The following MBNL1 variants were observed in gnomAD, a reference collection of about 807,000 sequenced individuals.
The protein encoded by MBNL1 is muscleblind-like protein 1.
MBNL1 carries 8 observed loss-of-function variants against 42.2 expected under a neutral mutation model. The observed-to-expected ratio is 0.19, with a 90% CI of 0.11 to 0.34. The LOEUF (loss-of-function observed/expected upper bound fraction) is 0.34, where lower values mean the gene tolerates loss of function less well. Among genes scored for constraint, MBNL1 ranks in the 10% least tolerant of loss-of-function variants. MBNL1 has a pLI of 1.00. For missense variants in MBNL1, 309 were observed against 495.3 expected (o/e 0.62, Z 3.57); for synonymous variants, 169 against 173.9 (o/e 0.97, Z 0.22).
chr3:152,451,849 C>T (rs1019016714), intron 6 of MBNL1, among the ~76,000 whole-genome samples: 2 of 152,112 alleles, frequency 1.3e-5, no homozygotes, highest in Non-Finnish European at 2.9e-5. Flanking sequence ...AGAAGGTTGG[C>T]ATTAATATTT....
At chr3:152,368,046 A>T (rs959742327) in intron 2 of MBNL1, among the ~76,000 whole-genome samples, 1 of 150,844 alleles carries the variant, frequency 6.6e-6, no homozygotes, top group African/African-American at 2.4e-5. Context: ...CACAATTGTC[A>T]ATTTTGGCTT....
rs747338993 is a variant in MBNL1, at chr3:152,269,093, G to C, written c.-790+1G>C. 3 of 454,644 alleles carry C rather than the reference G, an allele frequency of 6.6e-6. No individual in the cohort carries two copies. In the East Asian group the frequency reaches 2.1e-4, roughly 32 times the overall value. The allele number at this position is 454,644 out of a possible 1,614,324, so 28.2% of individuals were successfully genotyped here. A position where few individuals can be genotyped will look rare whatever the true frequency, so the allele number is the denominator to read the frequency against. On this transcript the variant is annotated splice_donor_variant, in intron 1 of 9. Coordinates refer to ENST00000324210, the MANE Select transcript of MBNL1 (RefSeq NM_021038.5). LOFTEE classifies it low-confidence loss of function (5UTR_SPLICE). ...CGCCTCTGAAAAAAAAATGTGAGAG[G>C]TAAGTTTCCATTTTCACAGTTTCCC...
At chr3:152,347,069 A>G (rs925685011) in intron 2 of MBNL1, among the ~76,000 whole-genome samples, 3 of 152,016 alleles carry the variant, frequency 2.0e-5, no homozygotes, top group Non-Finnish European at 4.4e-5. Context: ...TTCAAAGTTT[A>G]GGATTGAGAG....
At chr3:152,427,656 C>T (rs2098950385) in intron 3 of MBNL1, among the ~76,000 whole-genome samples, 1 of 151,976 alleles carries the variant, frequency 6.6e-6, no homozygotes, top group South Asian at 2.1e-4. Flanking sequence ...AGACTAGTTA[C>T]AGGGTTATGC....
intron 2 of MBNL1, among the ~76,000 whole-genome samples, chr3:152,406,921 A>C (rs919635438): frequency 6.6e-5 from 10 of 152,162 alleles, no homozygotes; most frequent in African/African-American, 2.4e-4. Context: ...CGTTAAAAAG[A>C]ATCTATTACA....
intron 2 of MBNL1, among the ~76,000 whole-genome samples, chr3:152,397,402 C>T (rs1209474993): frequency 1.3e-5 from 2 of 152,062 alleles, no homozygotes; most frequent in Non-Finnish European, 2.9e-5. Context: ...TTTCCCCTCC[C>T]TTCGTCCATG....
chr3:152,333,991 A>G lies in MBNL1; in HGVS notation c.174+33624A>G, dbSNP rs543324812. On this transcript the variant is annotated intron_variant, in intron 2 of 9. Transcript: ENST00000324210. ...TGTTTCCAAAATGGGAGCAGTACTA[A>G]TATCTAATCCTTAGAGGAGTTGTGA... 2.6e-5 allele frequency among the ~76,000 whole-genome samples: 4 copies of G among 152,336 alleles called. 1 individual carries two copies. In the South Asian group the frequency reaches 8.3e-4, roughly 32 times the overall value.
At chr3:152,256,437 C>G (rs540350635) in intron 2 of MBNL1, among the ~76,000 whole-genome samples, 2 of 152,268 alleles carry the variant, frequency 1.3e-5, no homozygotes, top group East Asian at 3.9e-4. Flanking sequence ...CCAGAGACCA[C>G]AGATGTTTCC....
At chr3:152,292,461 C>CTGTTGAA (rs1467703939) in intron 1 of MBNL1, among the ~76,000 whole-genome samples, 2 of 152,160 alleles carry the variant, frequency 1.3e-5, no homozygotes, top group Admixed American at 1.3e-4. Context: ...GGGAACCAAA[C>CTGTTGAA]TGTTGAATGG....
intron 2 of MBNL1, among the ~76,000 whole-genome samples, chr3:152,350,046 G>C (rs989692121): frequency 2.0e-5 from 3 of 152,058 alleles, no homozygotes; most frequent in Non-Finnish European, 4.4e-5. Context: ...AAAATACCCA[G>C]AGAGAATGTA....
At chr3:152,324,962 C>G (rs1452754922) in intron 2 of MBNL1, among the ~76,000 whole-genome samples, 1 of 150,730 alleles carries the variant, frequency 6.6e-6, no homozygotes, top group Non-Finnish European at 1.5e-5. Context: ...TTACTAAGTA[C>G]TTAGCATTTT....
intron 2 of MBNL1, among the ~76,000 whole-genome samples, chr3:152,305,437 T>C (rs1361397546): frequency 2.0e-5 from 3 of 152,182 alleles, no homozygotes; most frequent in Non-Finnish European, 2.9e-5. Flanking sequence ...CCCACAGACT[T>C]AGACAAAGCT....
At position 152,415,861 on chromosome 3, in the gene MBNL1, CTA is replaced by C. The variant is rs151244600; in HGVS notation, c.345+752_345+753del. Among the ~76,000 whole-genome samples the C allele has an allele frequency of 1.2e-3, 183 of 152,230 alleles. 1 individual carries two copies. The East Asian group carries it at 0.031, about 26-fold the overall frequency. On this transcript the variant is annotated intron_variant, in intron 3 of 9. Coordinates refer to ENST00000324210, the MANE Select transcript of MBNL1 (RefSeq NM_021038.5). ...GTGTAATAAATGACTTTAATAATCT[CTA>C]TTCATATTTATTCATCAAAATGTGA...
chr3:152,277,694 AAGC>A (rs2046081945), intron 1 of MBNL1, among the ~76,000 whole-genome samples: 1 of 152,108 alleles, frequency 6.6e-6, no homozygotes, highest in Non-Finnish European at 1.5e-5. Flanking sequence ...AGGACCTTAC[AAGC>A]TTTTTACAAA....
At chr3:152,292,139 A>G (rs928629160) in intron 1 of MBNL1, among the ~76,000 whole-genome samples, 5 of 152,322 alleles carry the variant, frequency 3.3e-5, no homozygotes, top group Admixed American at 6.5e-5. Flanking sequence ...ACGAAGGCCT[A>G]TTGGGGTATA....
chr3:152,292,748 T>A (rs2056651086), intron 1 of MBNL1, among the ~76,000 whole-genome samples: 1 of 152,162 alleles, frequency 6.6e-6, no homozygotes, highest in South Asian at 2.1e-4. Context: ...TCTTTAAATC[T>A]TTTTTAAAAA....
In MBNL1 at chr3:152,383,961, T is replaced by G. The variant is rs976440130; in HGVS notation, c.175-30980T>G. 6.6e-5 allele frequency among the ~76,000 whole-genome samples: 10 copies of G among 152,244 alleles called. No homozygotes were observed. The South Asian group carries it at 1.7e-3, about 25-fold the overall frequency. The stretch of plus-strand genomic sequence containing the variant: ...ACCATTAAAGGGAGTTTTAGATTTA[T>G]TACCTATTAGATATATTATTTATTC... On this transcript the variant is annotated intron_variant, in intron 2 of 9. Coordinates refer to ENST00000324210, the MANE Select transcript of MBNL1 (RefSeq NM_021038.5).
intron 2 of MBNL1, among the ~76,000 whole-genome samples, chr3:152,386,648 T>C (rs1228596887): frequency 2.0e-5 from 3 of 152,042 alleles, no homozygotes; most frequent in Admixed American, 2.0e-4. Context: ...ATCCCGTTGG[T>C]GTGTCAAGAT....
chr3:152,269,562 A>G (rs937839838), intron 1 of MBNL1: 6 of 454,394 alleles, frequency 1.3e-5, no homozygotes, highest in African/African-American at 8.0e-5. Flanking sequence ...AAATATGTGC[A>G]CGCAAAGGTT....
Sources: gnomAD v4.1 joint callset for allele counts (sites outside exome capture counted in the v4.1 genomes callset) on GRCh38, gnomAD v4.1.1 for gene constraint, MANE v1.5 for transcripts, NCBI Gene and HGNC (gene_info 2026-07-23, HGNC 2026-07-21) for gene names.